The following COL23A1 variants were observed in gnomAD, a reference collection of about 807,000 sequenced individuals.
COL23A1 encodes the protein collagen alpha-1(XXIII) chain.
COL23A1 carries 97 observed loss-of-function variants against 99.3 expected under a neutral mutation model. The observed-to-expected ratio is 0.98, with a 90% CI of 0.83 to 1.16. The LOEUF is 1.16. COL23A1 is among the 50% of genes most tolerant of loss of function. The pLI is 0.00. For synonymous variants in COL23A1, 320 were observed against 308.2 expected (o/e 1.04, Z -0.40); for missense variants, 762 against 757.4 (o/e 1.01, Z -0.07).
chr5:178,522,966 T>C (rs1185588042), intron 2 of COL23A1, among the ~76,000 whole-genome samples: 1 of 151,558 alleles, frequency 6.6e-6, no homozygotes, highest in Non-Finnish European at 1.5e-5. Flanking sequence ...CTATACTCTA[T>C]TTCTCTGGCC....
chr5:178,353,279 T>A (rs1010523601), intron 2 of COL23A1, among the ~76,000 whole-genome samples: 1 of 152,154 alleles, frequency 6.6e-6, no homozygotes, highest in Admixed American at 6.5e-5. Flanking sequence ...TATAAATTTC[T>A]TTTATGTCTG....
At chr5:178,378,358 C>T (rs1463085098) in intron 2 of COL23A1, 1 of 148,302 alleles carries the variant, frequency 6.7e-6, no homozygotes, top group Admixed American at 6.6e-5. Context: ...GGACTGCAGT[C>T]CATGCCCCAC....
chr5:178,391,232 A>T (rs894574342), intron 2 of COL23A1, among the ~76,000 whole-genome samples: 1 of 152,248 alleles, frequency 6.6e-6, no homozygotes, highest in African/African-American at 2.4e-5. Flanking sequence ...ATTGTTTTCC[A>T]CGAAACCAGT....
intron 1 of COL23A1, among the ~76,000 whole-genome samples, chr5:178,570,763 C>T (rs1041167984): frequency 1.4e-4 from 21 of 152,030 alleles, no homozygotes; most frequent in African/African-American, 5.1e-4. Context: ...GGAGGGGGGA[C>T]GCGGGTGGTG....
chr5:178,477,994 C>T (rs1184737632), intron 2 of COL23A1, among the ~76,000 whole-genome samples: 1 of 152,192 alleles, frequency 6.6e-6, no homozygotes, highest in African/African-American at 2.4e-5. Flanking sequence ...CCCTTCATGC[C>T]ACCTGAGGGA....
At chr5:178,576,860 G>A (rs1763390401) in intron 1 of COL23A1, among the ~76,000 whole-genome samples, 1 of 151,738 alleles carries the variant, frequency 6.6e-6, no homozygotes, top group African/African-American at 2.4e-5. Flanking sequence ...CCCCCTGCGC[G>A]CACGGGAGGC....
chr5:178,253,443 C>A (rs1765139375), intron 16 of COL23A1, among the ~76,000 whole-genome samples: 1 of 152,080 alleles, frequency 6.6e-6, no homozygotes, highest in African/African-American at 2.4e-5. Context: ...CTGTCCATAT[C>A]ATTCCCTAGC....
intron 2 of COL23A1, among the ~76,000 whole-genome samples, chr5:178,507,867 GC>G (rs1167231529): frequency 2.6e-5 from 4 of 152,142 alleles, no homozygotes; most frequent in African/African-American, 9.7e-5. Flanking sequence ...TGTGTTTTTT[GC>G]CAAGTTTGGA....
Position 178,544,478 on chromosome 5 carries a change from C to T in COL23A1, c.361+16204G>A, listed in dbSNP as rs1226687990. ...GAGCAGTCTCCCTCAGATGGGGTCC[C>T]CTGTTCTCTCCACCTGCCCCAGAAA... On this transcript the variant is annotated intron_variant, in intron 2 of 28. Transcript: ENST00000390654. This position sits in a 1 kb window ranked among gnomAD's most constrained non-coding sequence, Gnocchi z 4.4. Among the ~76,000 whole-genome samples, 5 of 152,182 alleles carry T rather than the reference C, an allele frequency of 3.3e-5. No individual in the cohort carries two copies. Among genetic ancestry groups the T allele is most frequent in the Admixed American group, 2.6e-4 (4 of 15,280 alleles).
chr5:178,424,038 T>A lies in COL23A1; in HGVS notation c.362-117119A>T, dbSNP rs1036451482. 9.9e-5 allele frequency among the ~76,000 whole-genome samples: 15 copies of A among 152,276 alleles called. No homozygotes were observed. The East Asian group carries it at 2.7e-3, about 27-fold the overall frequency. On this transcript the variant is annotated intron_variant, in intron 2 of 28. Transcript: ENST00000390654. Reference sequence around the variant, plus strand: ...ACTTTCTCATTGTCACACAAATAAATAGCAGAACCTAAGGCCCTCTTCCTT... The same window carrying A: ...ACTTTCTCATTGTCACACAAATAAAAAGCAGAACCTAAGGCCCTCTTCCTT...
intron 2 of COL23A1, among the ~76,000 whole-genome samples, chr5:178,461,894 A>C (rs1756141951): frequency 6.6e-6 from 1 of 152,250 alleles, no homozygotes; most frequent in South Asian, 2.1e-4. Context: ...AATGAATTCT[A>C]CACAAGTTCA....
intron 3 of COL23A1, among the ~76,000 whole-genome samples, chr5:178,293,064 G>C (rs1327601970): frequency 6.6e-6 from 1 of 152,070 alleles, no homozygotes; most frequent in Admixed American, 6.6e-5. Context: ...AGGGGGTTGA[G>C]GGATGTGGAC....
intron 2 of COL23A1, 114 bp downstream of exon 2, chr5:178,560,568 A>G: frequency 1.1e-6 from 1 of 887,126 alleles, no homozygotes. Flanking sequence ...AGGCCAGTGC[A>G]CGAAGACGAC....
intron 5 of COL23A1, 42 bp downstream of exon 5, chr5:178,288,282 G>C: frequency 6.7e-7 from 1 of 1,496,398 alleles, no homozygotes; most frequent in South Asian, 1.1e-5. Flanking sequence ...ATTGGTTTAA[G>C]AGAAAAGGGT....
chr5:178,475,137 C>T (rs1172574603), intron 2 of COL23A1, among the ~76,000 whole-genome samples: 3 of 152,162 alleles, frequency 2.0e-5, no homozygotes, highest in Non-Finnish European at 4.4e-5. Context: ...TAGGGCCCAC[C>T]CTAATCCAGT....
rs1438650122 is a variant in COL23A1, at chr5:178,366,363, C to T, written c.362-59444G>A. ...CACCAGGTTAGCTTGACTCCAGGTG[C>T]CCTGCTGGTGTGGCTCCACCTGGTC... On this transcript the variant is annotated intron_variant, in intron 2 of 28. Transcript: ENST00000390654. This position sits in a 1 kb window ranked among gnomAD's most constrained non-coding sequence, Gnocchi z 4.4. Among the ~76,000 whole-genome samples the T allele has an allele frequency of 6.6e-6, 1 of 152,230 alleles. No homozygotes were observed. The highest frequency in any genetic ancestry group is 1.5e-5 in the Non-Finnish European group (1 of 68,044).
intron 3 of COL23A1, among the ~76,000 whole-genome samples, chr5:178,304,247 G>A (rs1354779488): frequency 6.6e-6 from 1 of 152,024 alleles, no homozygotes; most frequent in East Asian, 1.9e-4. Context: ...GGTGGCTCAC[G>A]CCTACAATCC....
intron 2 of COL23A1, among the ~76,000 whole-genome samples, chr5:178,547,208 C>G (rs1422241421): frequency 6.6e-6 from 1 of 151,450 alleles, no homozygotes; most frequent in Non-Finnish European, 1.5e-5. Context: ...ATCTGATTCA[C>G]GCCAGCACCG....
At chr5:178,472,644 T>C (rs1756818449) in intron 2 of COL23A1, among the ~76,000 whole-genome samples, 1 of 151,818 alleles carries the variant, frequency 6.6e-6, no homozygotes, top group African/African-American at 2.4e-5. Context: ...TAAAGGTAAG[T>C]GTTAGTATTC....
Sources: allele counts gnomAD v4.1 joint callset (sites outside exome capture counted in the v4.1 genomes callset), GRCh38; gene constraint gnomAD v4.1.1; non-coding constraint Gnocchi (gnomAD v3.1); transcripts MANE v1.5; gene names NCBI Gene and HGNC (gene_info 2026-07-23, HGNC 2026-07-21).